Variants in KIF26B observed in about 807,000 individuals in gnomAD.
The protein encoded by KIF26B is kinesin-like protein KIF26B.
A neutral mutation model predicts 151.2 loss-of-function variants in KIF26B; 63 were observed. That is an observed-to-expected ratio of 0.42 (90% CI 0.34 to 0.51). The LOEUF (loss-of-function observed/expected upper bound fraction) is 0.51, where lower values mean the gene tolerates loss of function less well. Ranked by LOEUF, KIF26B falls within the 20% of genes least tolerant of loss-of-function variation. The probability of loss-of-function intolerance (pLI) is 0.07; values close to 1 mark genes in which losing one functional copy is unlikely to be tolerated. For missense variants in KIF26B, 2,813 were observed against 2,913.6 expected (o/e 0.97, Z 0.79); for synonymous variants, 1,357 against 1,262.1 (o/e 1.08, Z -1.59).
At chr1:245,502,122 G>A (rs2103079308) in intron 4 of KIF26B, among the ~76,000 whole-genome samples, 1 of 152,372 alleles carries the variant, frequency 6.6e-6, no homozygotes, top group Non-Finnish European at 1.5e-5. Flanking sequence ...TATGGACAGT[G>A]AGTGCAGCAT....
chr1:245,212,732 G>A (rs1273706246), intron 2 of KIF26B, among the ~76,000 whole-genome samples: 3 of 152,200 alleles, frequency 2.0e-5, no homozygotes, highest in Admixed American at 6.5e-5. Flanking sequence ...GCACCGTCGG[G>A]CCCCGAGTCA....
chr1:245,501,481 C>T (rs957433393), intron 4 of KIF26B, among the ~76,000 whole-genome samples: 8 of 152,158 alleles, frequency 5.3e-5, no homozygotes, highest in African/African-American at 1.9e-4. Flanking sequence ...AGTTCTTTGT[C>T]ATCTGTTCTT....
chr1:245,539,920 T>G (rs1420848884), intron 4 of KIF26B, among the ~76,000 whole-genome samples: 2 of 152,170 alleles, frequency 1.3e-5, no homozygotes, highest in African/African-American at 4.8e-5. Context: ...CCCAAAGTGC[T>G]GGGATTACAG....
intron 2 of KIF26B, among the ~76,000 whole-genome samples, chr1:245,221,201 C>T (rs994620488): frequency 3.3e-5 from 5 of 151,870 alleles, no homozygotes; most frequent in Admixed American, 6.6e-5. Flanking sequence ...TCAACAGTAA[C>T]GGCAAACAGG....
chr1:245,668,458 C>T (rs2044242395), intron 10 of KIF26B, among the ~76,000 whole-genome samples: 1 of 152,174 alleles, frequency 6.6e-6, no homozygotes, highest in African/African-American at 2.4e-5. Flanking sequence ...ACATCATTCT[C>T]CTTTAAAATT....
intron 6 of KIF26B, among the ~76,000 whole-genome samples, chr1:245,605,822 C>T (rs114448328): frequency 0.047 from 7,169 of 152,214 alleles, 228 homozygotes; most frequent in Middle Eastern, 0.1. Context: ...CAGGGGATGC[C>T]GCCCCAACTC....
intron 3 of KIF26B, among the ~76,000 whole-genome samples, chr1:245,384,280 A>T (rs996964675): frequency 6.6e-6 from 1 of 152,170 alleles, no homozygotes; most frequent in African/African-American, 2.4e-5. Context: ...TCACTAACTT[A>T]GCATTACAGT....
intron 10 of KIF26B, among the ~76,000 whole-genome samples, chr1:245,653,018 A>T (rs1004082478): frequency 5.9e-5 from 9 of 152,282 alleles, no homozygotes; most frequent in Admixed American, 5.9e-4. Flanking sequence ...ATTCTGAACC[A>T]ATGATCAGAT....
chr1:245,398,661 G>A (rs1412357139), intron 3 of KIF26B, among the ~76,000 whole-genome samples: 1 of 151,772 alleles, frequency 6.6e-6, no homozygotes, highest in African/African-American at 2.4e-5. Flanking sequence ...AAAGTCCAGG[G>A]GCTTGCTATT....
chr1:245,256,534 A>G (rs1178156205), intron 2 of KIF26B, among the ~76,000 whole-genome samples: 16 of 152,132 alleles, frequency 1.1e-4, no homozygotes. Flanking sequence ...CTTTTAGGAG[A>G]GTTGGTTGAC....
At chr1:245,539,012 A>G (rs760282580) in intron 4 of KIF26B, among the ~76,000 whole-genome samples, 4 of 152,144 alleles carry the variant, frequency 2.6e-5, no homozygotes, top group Non-Finnish European at 5.9e-5. Context: ...AGATGAAAAA[A>G]AAAGTATTCC....
chr1:245,663,678 C>T (rs568139716), intron 10 of KIF26B, among the ~76,000 whole-genome samples: 103 of 152,312 alleles, frequency 6.8e-4, no homozygotes, highest in African/African-American at 2.3e-3. Flanking sequence ...GTCTAAACTA[C>T]ATTCTCAGCT....
chr1:245,678,281 G>A (rs911591900), intron 10 of KIF26B, among the ~76,000 whole-genome samples: 46 of 152,110 alleles, frequency 3.0e-4, no homozygotes, highest in African/African-American at 9.6e-4. Context: ...TGGGGCCTAG[G>A]GCTGGGAGAT....
chr1:245,199,683 A>T (rs555018838), intron 2 of KIF26B, among the ~76,000 whole-genome samples: 2 of 152,220 alleles, frequency 1.3e-5, no homozygotes, highest in South Asian at 4.2e-4. Flanking sequence ...GGGTTTCACC[A>T]TGTTGGCCAG....
intron 4 of KIF26B, among the ~76,000 whole-genome samples, chr1:245,532,248 C>CTTTTCTTTTCT (rs374051918): frequency 1.9e-4 from 23 of 121,462 alleles, no homozygotes; most frequent in African/African-American, 6.2e-4. Flanking sequence ...CTTTTCTTTT[C>CTTTTCTTTTCT]TTTTTTTTTT....
chr1:245,627,709 A>C (rs981192932), intron 9 of KIF26B, among the ~76,000 whole-genome samples: 3 of 152,164 alleles, frequency 2.0e-5, no homozygotes, highest in Admixed American at 2.0e-4. Context: ...TTTTGAAAAA[A>C]AAAATTAAGG....
intron 2 of KIF26B, among the ~76,000 whole-genome samples, chr1:245,338,214 T>TCC (rs1672272931): frequency 6.6e-6 from 1 of 152,170 alleles, no homozygotes; most frequent in South Asian, 2.1e-4. Context: ...TTCAAAATGG[T>TCC]TTACTTGTTT....
At chr1:245,508,256 G>C (rs1660763602) in intron 4 of KIF26B, among the ~76,000 whole-genome samples, 1 of 152,130 alleles carries the variant, frequency 6.6e-6, no homozygotes, top group South Asian at 2.1e-4. Context: ...TATTGTTGTT[G>C]TTGAGACGGA....
intron 4 of KIF26B, among the ~76,000 whole-genome samples, chr1:245,425,180 T>C (rs1315913386): frequency 6.6e-6 from 1 of 152,200 alleles, no homozygotes; most frequent in Admixed American, 6.5e-5. Flanking sequence ...CTTAATGATG[T>C]ACTTTACCTT....
Sources: allele counts gnomAD v4.1 joint callset (sites outside exome capture counted in the v4.1 genomes callset), GRCh38; gene constraint gnomAD v4.1.1; transcripts MANE v1.5; gene names NCBI Gene and HGNC (gene_info 2026-07-23, HGNC 2026-07-21).